UBASH3A: variants seen among roughly 807,000 people sequenced by gnomAD.
UBASH3A encodes the protein ubiquitin associated and SH3 domain containing A.
UBASH3A carries 63 observed loss-of-function variants against 73.5 expected under a neutral mutation model. The observed-to-expected ratio is 0.86, with a 90% confidence interval of 0.70 to 1.06. The LOEUF is 1.06. Among genes scored for constraint, UBASH3A ranks in the 50% least tolerant of loss-of-function variants. The pLI, the probability that UBASH3A is intolerant of heterozygous loss-of-function variation, is 0.00. For synonymous variants in UBASH3A, 363 were observed against 351.1 expected, an observed-to-expected ratio of 1.03 and a Z score of -0.38; for missense variants, 860 against 859.0, an observed-to-expected ratio of 1.00 and a Z score of -0.02.
intron 7 of UBASH3A, among the ~76,000 whole-genome samples, chr21:42,424,332 C>A (rs574647849): frequency 2.0e-5 from 3 of 152,184 alleles, no homozygotes; most frequent in African/African-American, 7.2e-5. Flanking sequence ...ATTAACACAC[C>A]AGTCACCCAT....
intron 14 of UBASH3A, among the ~76,000 whole-genome samples, chr21:42,445,432 C>T (rs1433114439): frequency 6.6e-6 from 1 of 152,246 alleles, no homozygotes; most frequent in Non-Finnish European, 1.5e-5. Context: ...CATAGCACTG[C>T]CACAGGACCA....
Position 42,444,585 on chromosome 21 carries a change from G to A in UBASH3A, c.1790G>A (p.Arg597Gln), listed in dbSNP as rs763802764. Residue 597 changes from arginine (R) to glutamine (Q), a missense_variant, in exon 14 of 15, where the codon CGG becomes CAG. Transcript: ENST00000319294. ...SHGSTLDSCT[R>Q]PLLGLPPREC... ...GGCTCCACTCTGGACTCCTGCACGC[G>A]GCCACTGCTCGGGCTGCCGCCCCGG... 17 of 1,613,998 alleles carry A rather than the reference G, an allele frequency of 1.1e-5. No homozygotes were observed. Among genetic ancestry groups the A allele is most frequent in the African/African-American group, 6.7e-5 (5 of 74,930 alleles).
intron 7 of UBASH3A, among the ~76,000 whole-genome samples, chr21:42,420,337 A>T (rs918726392): frequency 1.3e-5 from 2 of 152,158 alleles, no homozygotes; most frequent in African/African-American, 4.8e-5. Context: ...AATAGTTGTT[A>T]TACGGTATTG....
chr21:42,435,071 C>A, intron 10 of UBASH3A, 117 bp downstream of exon 10: 3 of 1,332,940 alleles, frequency 2.3e-6, no homozygotes, highest in South Asian at 2.9e-5. Flanking sequence ...TTAGCTTTGT[C>A]TCCAGTCTGC....
At chr21:42,409,686 A>G in intron 3 of UBASH3A, 78 bp downstream of exon 3, 3 of 1,328,298 alleles carry the variant, frequency 2.3e-6, no homozygotes, top group Non-Finnish European at 3.1e-6. Flanking sequence ...ATGATGGGAC[A>G]AAGTTGACTT....
At position 42,416,563 on chromosome 21, in the gene UBASH3A, G is replaced by T. The variant is rs1212360935; in HGVS notation, c.789G>T (p.Gln263His). 1 of 1,609,278 alleles carries T rather than the reference G, an allele frequency of 6.2e-7. No individual in the cohort carries two copies. Among genetic ancestry groups the T allele is most frequent in the Non-Finnish European group, 8.5e-7 (1 of 1,178,136 alleles). ...ARAIPLGHSC[Q>H]WTAALYSRDM... ...CCATCCCCCTGGGCCACAGCTGCCAGTGGACCGCAGCACTCTACTCCCGAG... is the reference window on the plus strand; with the variant it reads ...CCATCCCCCTGGGCCACAGCTGCCATTGGACCGCAGCACTCTACTCCCGAG... Residue 263 changes from glutamine to histidine, a missense_variant, in exon 6 of 15, where the codon CAG becomes CAT. Transcript: ENST00000319294.
chr21:42,416,728 T>G (rs763727943), intron 6 of UBASH3A, 117 bp downstream of exon 6: 18 of 1,001,642 alleles, frequency 1.8e-5, no homozygotes, highest in Non-Finnish European at 2.4e-5. Flanking sequence ...GGTCAGGAGA[T>G]GGAGACCATC....
chr21:42,444,051 G>T (rs754282317), intron 13 of UBASH3A, among the ~76,000 whole-genome samples: 1 of 152,234 alleles, frequency 6.6e-6, no homozygotes, highest in African/African-American at 2.4e-5. Context: ...GCACAGAAGC[G>T]CTGACTTCCC....
chr21:42,408,521 A>G (rs1003735286), intron 2 of UBASH3A, among the ~76,000 whole-genome samples: 3 of 152,202 alleles, frequency 2.0e-5, no homozygotes, highest in Non-Finnish European at 4.4e-5. Flanking sequence ...AAGACTCTCA[A>G]TACCTATTGG....
At chr21:42,440,228 G>A (rs544505849) in intron 11 of UBASH3A, among the ~76,000 whole-genome samples, 22 of 152,362 alleles carry the variant, frequency 1.4e-4, no homozygotes, top group African/African-American at 2.6e-4. Flanking sequence ...GAAACAGGAC[G>A]TGGCCTTTCC....
chr21:42,412,278 T>C (rs1437053612), intron 3 of UBASH3A, among the ~76,000 whole-genome samples: 1 of 152,066 alleles, frequency 6.6e-6, no homozygotes, highest in Admixed American at 6.5e-5. Context: ...TCCGTGGGCC[T>C]GAGGGATTCT....
Position 42,444,580 on chromosome 21 carries a change from C to T in UBASH3A, c.1785C>T (p.Cys595=), listed in dbSNP as rs772376759. ...IVSHGSTLDS[C]TRPLLGLPPR... ...GTCACGGCTCCACTCTGGACTCCTG[C>T]ACGCGGCCACTGCTCGGGCTGCCGC... Residue 595 remains cysteine, a synonymous_variant, in exon 14 of 15, where the codon TGC becomes TGT. Coordinates refer to ENST00000319294, the MANE Select transcript of UBASH3A (RefSeq NM_018961.4). The T allele has an allele frequency of 6.2e-7, 1 of 1,614,168 alleles. No homozygotes were observed. The highest frequency in any genetic ancestry group is 1.1e-5 in the South Asian group (1 of 91,090).
Position 42,443,422 on chromosome 21 carries a change from A to C in UBASH3A, c.1738+4A>C. The C allele has an allele frequency of 2.5e-6, 4 of 1,598,736 alleles. No individual in the cohort carries two copies. Among genetic ancestry groups the C allele is most frequent in the Non-Finnish European group, 3.4e-6 (4 of 1,172,278 alleles). On this transcript the variant is annotated splice_donor_region_variant and intron_variant, in intron 13 of 14. Coordinates refer to ENST00000319294, the MANE Select transcript of UBASH3A (RefSeq NM_018961.4). ...GTCAACACCTGTCCACAGGACAGTAAGTGCCTCACCATCCTCAGTATGAAC... is the reference window on the plus strand; with the variant it reads ...GTCAACACCTGTCCACAGGACAGTACGTGCCTCACCATCCTCAGTATGAAC...
chr21:42,405,602 A>G (rs1202136194), intron 1 of UBASH3A, among the ~76,000 whole-genome samples: 2 of 152,240 alleles, frequency 1.3e-5, no homozygotes, highest in Non-Finnish European at 2.9e-5. Context: ...AGCATTCGGC[A>G]TCATGTGGTG....
Position 42,405,950 on chromosome 21 carries a change from G to A in UBASH3A, c.114-358G>A, listed in dbSNP as rs142152238. ...AAGCGTGTGTCCGAGCCAGGGGCACGTTCCGCAGGGTGGGTCCATTTGATC... is the reference window on the plus strand; with the variant it reads ...AAGCGTGTGTCCGAGCCAGGGGCACATTCCGCAGGGTGGGTCCATTTGATC... On this transcript the variant is annotated intron_variant, in intron 1 of 14. Transcript: ENST00000319294. Among the ~76,000 whole-genome samples the A allele has an allele frequency of 2.6e-4, 36 of 136,430 alleles. No individual in the cohort carries two copies. In the East Asian group the frequency reaches 8.2e-3, roughly 31 times the overall value. 89.5% of individuals were successfully genotyped at this position (136,430 alleles called of 152,430 possible).
chr21:42,445,353 C>A (rs1234502507), intron 14 of UBASH3A, among the ~76,000 whole-genome samples: 1 of 152,238 alleles, frequency 6.6e-6, no homozygotes, highest in African/African-American at 2.4e-5. Context: ...GGTCAGTGCC[C>A]AGGCAGCACG....
intron 7 of UBASH3A, among the ~76,000 whole-genome samples, chr21:42,423,629 G>A (rs1312436666): frequency 6.6e-6 from 1 of 152,200 alleles, no homozygotes; most frequent in Non-Finnish European, 1.5e-5. Context: ...AGACTCTGCA[G>A]AAGATGAGTC....
chr21:42,421,979 G>T (rs2053345824), intron 7 of UBASH3A, among the ~76,000 whole-genome samples: 1 of 152,072 alleles, frequency 6.6e-6, no homozygotes, highest in Admixed American at 6.6e-5. Flanking sequence ...AAGGAGATTT[G>T]GTGACTATGG....
chr21:42,414,160 G>A (rs1286119754), intron 5 of UBASH3A, among the ~76,000 whole-genome samples: 1 of 152,144 alleles, frequency 6.6e-6, no homozygotes, highest in African/African-American at 2.4e-5. Context: ...ATCTGACGAG[G>A]CCGCAGTGCC....
Sources: gnomAD v4.1 joint callset for allele counts (sites outside exome capture counted in the v4.1 genomes callset) on GRCh38, gnomAD v4.1.1 for gene constraint, MANE v1.5 for transcripts, NCBI Gene and HGNC (gene_info 2026-07-23, HGNC 2026-07-21) for gene names.